Variants in FBLN7 observed in about 807,000 individuals in gnomAD.
FBLN7 encodes the protein fibulin-7.
In FBLN7, 31 loss-of-function variants were observed where a neutral mutation model predicts 44.0. The ratio of observed to expected loss-of-function variants is 0.70; its 90% CI spans 0.53 to 0.95. The LOEUF (loss-of-function observed/expected upper bound fraction) is 0.95. Among genes scored for constraint, FBLN7 ranks in the 40% least tolerant of loss-of-function variants. The pLI, the probability that FBLN7 is intolerant of heterozygous loss-of-function variation, is 0.00. For synonymous variants in FBLN7, 262 were observed against 253.4 expected (o/e 1.03, Z -0.32); for missense variants, 573 against 618.5 (o/e 0.93, Z 0.78).
chr2:112,178,780 G>A (rs1682850005), intron 4 of FBLN7, among the ~76,000 whole-genome samples: 1 of 152,018 alleles, frequency 6.6e-6, no homozygotes, highest in Non-Finnish European at 1.5e-5. Context: ...ATGCAAAAAG[G>A]CTTTTGATGA....
At chr2:112,150,301 G>A (rs1321246117) in intron 1 of FBLN7, among the ~76,000 whole-genome samples, 3 of 152,118 alleles carry the variant, frequency 2.0e-5, no homozygotes, top group African/African-American at 7.2e-5. Flanking sequence ...GGAGCTGAGA[G>A]CATCAGATGA....
intron 3 of FBLN7, among the ~76,000 whole-genome samples, chr2:112,170,533 G>GAAAAAA (rs199582472): frequency 1.3e-5 from 1 of 76,812 alleles, no homozygotes; most frequent in African/African-American, 5.0e-5. Flanking sequence ...TCTCGAAAGT[G>GAAAAAA]AAAAAAAAAA....
intron 1 of FBLN7, among the ~76,000 whole-genome samples, chr2:112,150,847 C>T (rs1333040513): frequency 6.6e-6 from 1 of 152,186 alleles, no homozygotes. Context: ...CTGACACAGT[C>T]CCCACTGCCA....
At chr2:112,195,132 C>T in the FBLN7 span, among the ~76,000 whole-genome samples, 1 of 152,222 alleles carries the variant, frequency 6.6e-6, no homozygotes, top group Admixed American at 6.5e-5. Context: ...CAGCATTGGC[C>T]AGACCACAGA....
the FBLN7 span, among the ~76,000 whole-genome samples, chr2:112,244,173 G>A: frequency 2.0e-5 from 3 of 152,026 alleles, no homozygotes; most frequent in Non-Finnish European, 4.4e-5. Flanking sequence ...AAAGCTTCCA[G>A]AGAAAACAGG....
chr2:112,158,581 A>C (rs920008721), intron 1 of FBLN7, among the ~76,000 whole-genome samples: 4 of 151,924 alleles, frequency 2.6e-5, no homozygotes, highest in African/African-American at 9.7e-5. Flanking sequence ...GATTACAGGC[A>C]CCTGCCACCA....
the FBLN7 span, among the ~76,000 whole-genome samples, chr2:112,219,102 CTT>C: frequency 1.3e-5 from 2 of 152,050 alleles, no homozygotes; most frequent in African/African-American, 4.8e-5. Flanking sequence ...AAAAATCTGT[CTT>C]AAAATTCATA....
intron 7 of FBLN7, among the ~76,000 whole-genome samples, chr2:112,186,464 AC>A (rs1283423706): frequency 1.3e-5 from 2 of 151,940 alleles, no homozygotes; most frequent in Non-Finnish European, 2.9e-5. Context: ...GCATGGTGAA[AC>A]CCCGTCTCTA....
chr2:112,141,864 C>G (rs1268037895), intron 1 of FBLN7, among the ~76,000 whole-genome samples: 1 of 152,206 alleles, frequency 6.6e-6, no homozygotes, highest in Non-Finnish European at 1.5e-5. Flanking sequence ...ATGTTTGCAG[C>G]TGCTGCAGAG....
At chr2:112,148,137 C>A (rs1446140347) in intron 1 of FBLN7, among the ~76,000 whole-genome samples, 1 of 152,178 alleles carries the variant, frequency 6.6e-6, no homozygotes, top group Non-Finnish European at 1.5e-5. Context: ...AAGCTTGCTC[C>A]TTTCCGGCCT....
At chr2:112,147,888 G>GT (rs1340904141) in intron 1 of FBLN7, among the ~76,000 whole-genome samples, 1 of 152,084 alleles carries the variant, frequency 6.6e-6, no homozygotes, top group Non-Finnish European at 1.5e-5. Context: ...CGGGTCGTAG[G>GT]TGGGGGGTCT....
rs147365309 is a variant in FBLN7, at chr2:112,169,489, C to T, written c.406+4318C>T. Among the ~76,000 whole-genome samples, 41 of 152,292 alleles carry T rather than the reference C, an allele frequency of 2.7e-4. No individual in the cohort carries two copies. In the East Asian group the frequency reaches 7.9e-3, roughly 29 times the overall value. The stretch of plus-strand genomic sequence containing the variant: ...GCTGAAGATCTTGTGCCTTTGACAA[C>T]GTGGGTAACCAAAGAAACGAATTTG... On this transcript the variant is annotated intron_variant, in intron 3 of 7. Transcript: ENST00000331203.
the FBLN7 span, among the ~76,000 whole-genome samples, chr2:112,220,382 A>G: frequency 2.6e-5 from 4 of 152,270 alleles, no homozygotes; most frequent in Admixed American, 2.6e-4. Flanking sequence ...TTGTCTGAAA[A>G]GGATGTAATT....
At chr2:112,152,682 AG>A (rs1190098605) in intron 1 of FBLN7, 2 of 152,146 alleles carry the variant, frequency 1.3e-5, no homozygotes, top group Non-Finnish European at 2.9e-5. Flanking sequence ...AGGTCCCCTG[AG>A]GAGGGAGTTG....
chr2:112,141,023 G>C (rs1268392590), intron 1 of FBLN7, among the ~76,000 whole-genome samples: 2 of 152,292 alleles, frequency 1.3e-5, no homozygotes, highest in Admixed American at 6.5e-5. Flanking sequence ...TGCCGAGTCC[G>C]GGACCCACAT....
At chr2:112,181,419 G>C (rs937749592) in intron 4 of FBLN7, among the ~76,000 whole-genome samples, 1 of 152,076 alleles carries the variant, frequency 6.6e-6, no homozygotes, top group South Asian at 2.1e-4. Context: ...ATCACCGTTA[G>C]AATTTTGGGG....
At chr2:112,212,122 G>T in the FBLN7 span, 2 of 152,280 alleles carry the variant, frequency 1.3e-5, no homozygotes, top group African/African-American at 4.8e-5. Context: ...TTAGTGTGTG[G>T]TGAGGGCCTG....
chr2:112,236,030 G>C, the FBLN7 span, among the ~76,000 whole-genome samples: 1 of 151,372 alleles, frequency 6.6e-6, no homozygotes. Flanking sequence ...GGTGGGAGCC[G>C]AGGCAGGTGG....
the FBLN7 span, among the ~76,000 whole-genome samples, chr2:112,217,665 C>T: frequency 6.6e-6 from 1 of 152,110 alleles, no homozygotes; most frequent in Non-Finnish European, 1.5e-5. Context: ...ATGAATCTTG[C>T]CAAAACAGTC....
Sources: allele counts gnomAD v4.1 joint callset (sites outside exome capture counted in the v4.1 genomes callset), GRCh38; gene constraint gnomAD v4.1.1; transcripts MANE v1.5; gene names NCBI Gene and HGNC (gene_info 2026-07-23, HGNC 2026-07-21).